Variants in ENPP6 observed in about 807,000 individuals in gnomAD.
ENPP6 encodes the protein ectonucleotide pyrophosphatase/phosphodiesterase 6, also known as glycerophosphocholine cholinephosphodiesterase ENPP6.
A neutral mutation model predicts 42.0 loss-of-function variants in ENPP6; 32 were observed. The ratio of observed to expected loss-of-function variants is 0.76; its 90% CI spans 0.58 to 1.02. ENPP6 has a LOEUF of 1.02. Ranked by LOEUF, ENPP6 falls within the 50% of genes least tolerant of loss-of-function variation. ENPP6 has a pLI of 0.00. For missense variants in ENPP6, 552 were observed against 566.8 expected (o/e 0.97, Z 0.27); for synonymous variants, 213 against 216.0 (o/e 0.99, Z 0.12).
chr4:184,188,263 C>T (rs1732664840), intron 1 of ENPP6, among the ~76,000 whole-genome samples: 2 of 152,172 alleles, frequency 1.3e-5, no homozygotes, highest in South Asian at 2.1e-4. Flanking sequence ...CTTTCCCAGT[C>T]GTTTCTCTTT....
chr4:184,147,579 A>C (rs1212410680), intron 2 of ENPP6, among the ~76,000 whole-genome samples: 2 of 152,062 alleles, frequency 1.3e-5, no homozygotes, highest in African/African-American at 2.4e-5. Flanking sequence ...ACGGGATTCG[A>C]GACCAGACTG....
chr4:184,108,278 G>T lies in ENPP6; in HGVS notation c.993+4394C>A, dbSNP rs557209980. 2.0e-5 allele frequency among the ~76,000 whole-genome samples: 3 copies of T among 152,288 alleles called. No individual in the cohort carries two copies. The South Asian group carries it at 6.2e-4, about 32-fold the overall frequency. On this transcript the variant is annotated intron_variant, in intron 6 of 7. Coordinates refer to ENST00000296741, the MANE Select transcript of ENPP6 (RefSeq NM_153343.4). ...ACTCAGACCCAGAGAGGCTGCTTTC[G>T]GGCCGAGAGTCTTGCCATGCCACAG... is the stretch of plus-strand genomic sequence containing the variant.
At chr4:184,157,032 C>T (rs992413294) in intron 1 of ENPP6, among the ~76,000 whole-genome samples, 2 of 152,208 alleles carry the variant, frequency 1.3e-5, no homozygotes, top group Non-Finnish European at 1.5e-5. Context: ...GGCTTCCTTC[C>T]TTTTTCTTGT....
At chr4:184,095,668 A>G (rs972926473) in intron 7 of ENPP6, among the ~76,000 whole-genome samples, 5 of 149,718 alleles carry the variant, frequency 3.3e-5, no homozygotes, top group Non-Finnish European at 7.4e-5. Flanking sequence ...AAAAAAAAAT[A>G]TATCTATATA....
chr4:184,200,885 C>T (rs1732883959), intron 1 of ENPP6, among the ~76,000 whole-genome samples: 1 of 152,232 alleles, frequency 6.6e-6, no homozygotes, highest in Admixed American at 6.5e-5. Flanking sequence ...CATGCACGTG[C>T]TCTTGAAGGT....
intron 6 of ENPP6, among the ~76,000 whole-genome samples, chr4:184,097,864 G>T (rs1735938053): frequency 6.6e-6 from 1 of 152,190 alleles, no homozygotes; most frequent in African/African-American, 2.4e-5. Context: ...ACAGCTTCAG[G>T]GTGGGGACTG....
intron 1 of ENPP6, among the ~76,000 whole-genome samples, chr4:184,162,567 G>GGAAA (rs1737283093): frequency 4.6e-5 from 3 of 64,770 alleles, no homozygotes; most frequent in African/African-American, 1.9e-4. Flanking sequence ...AAAGAAGGAA[G>GGAAA]GAAGGAAGAA....
intron 1 of ENPP6, among the ~76,000 whole-genome samples, chr4:184,164,500 TG>T (rs956109674): frequency 1.3e-4 from 20 of 152,196 alleles, no homozygotes; most frequent in African/African-American, 4.6e-4. Context: ...GAGACTGACC[TG>T]CCCCCAGGGA....
intron 1 of ENPP6, among the ~76,000 whole-genome samples, chr4:184,191,396 G>A (rs1457182681): frequency 6.6e-6 from 1 of 152,232 alleles, no homozygotes; most frequent in Non-Finnish European, 1.5e-5. Context: ...TTTGGGAAAT[G>A]TACGTTCTGC....
chr4:184,197,230 A>G (rs767820218), intron 1 of ENPP6, among the ~76,000 whole-genome samples: 5 of 151,902 alleles, frequency 3.3e-5, no homozygotes, highest in Admixed American at 1.3e-4. Flanking sequence ...ACGTGGCTCC[A>G]CCTCCCCCTG....
chr4:184,142,551 G>A (rs1736841339), intron 2 of ENPP6, among the ~76,000 whole-genome samples: 1 of 152,234 alleles, frequency 6.6e-6, no homozygotes, highest in African/African-American at 2.4e-5. Context: ...GGGAGGAAGA[G>A]GGTGGGCTAG....
At chr4:184,123,688 G>T (rs1011798397) in intron 3 of ENPP6, among the ~76,000 whole-genome samples, 1 of 152,094 alleles carries the variant, frequency 6.6e-6, no homozygotes, top group Non-Finnish European at 1.5e-5. Flanking sequence ...TGTGTGTCAT[G>T]GTTCCATGTG....
intron 1 of ENPP6, among the ~76,000 whole-genome samples, chr4:184,196,599 G>A (rs1732804218): frequency 6.6e-6 from 1 of 152,228 alleles, no homozygotes; most frequent in Admixed American, 6.5e-5. Context: ...ACATGTCAAA[G>A]CCTTTTGGAA....
intron 6 of ENPP6, among the ~76,000 whole-genome samples, chr4:184,104,400 T>A (rs537608866): frequency 3.9e-5 from 6 of 152,228 alleles, no homozygotes; most frequent in Non-Finnish European, 8.8e-5. Context: ...TTCTCTCAAG[T>A]CAGGCAGGGG....
intron 6 of ENPP6, among the ~76,000 whole-genome samples, chr4:184,111,607 T>C (rs1311615045): frequency 5.9e-5 from 9 of 152,244 alleles, no homozygotes; most frequent in Non-Finnish European, 1.2e-4. Context: ...CATAGCTGCC[T>C]GAGAAGGACC....
intron 2 of ENPP6, among the ~76,000 whole-genome samples, chr4:184,136,923 G>A (rs1394861405): frequency 1.3e-5 from 2 of 152,118 alleles, no homozygotes; most frequent in Non-Finnish European, 2.9e-5. Context: ...CTCTCCTGCT[G>A]TGACCCCTTC....
At chr4:184,117,122 A>G (rs1736333804) in intron 4 of ENPP6, 87 bp from the exon 5 acceptor site, 1 of 1,447,220 alleles carries the variant, frequency 6.9e-7, no homozygotes, top group African/African-American at 1.4e-5. Flanking sequence ...ATGATAGGAG[A>G]AAGGCTATCT....
chr4:184,190,141 A>T (rs1486315320), intron 1 of ENPP6, among the ~76,000 whole-genome samples: 2 of 151,984 alleles, frequency 1.3e-5, no homozygotes, highest in African/African-American at 2.4e-5. Flanking sequence ...AATTTTCCAG[A>T]CTCTCTGTTA....
chr4:184,195,324 T>C (rs778182114), intron 1 of ENPP6, among the ~76,000 whole-genome samples: 2 of 152,156 alleles, frequency 1.3e-5, no homozygotes, highest in Non-Finnish European at 2.9e-5. Flanking sequence ...TGTTTCCCTC[T>C]ATGTGTCCAT....
Sources: allele counts gnomAD v4.1 joint callset (sites outside exome capture counted in the v4.1 genomes callset), GRCh38; gene constraint gnomAD v4.1.1; transcripts MANE v1.5; gene names NCBI Gene and HGNC (gene_info 2026-07-23, HGNC 2026-07-21).